Variants in RSRC1 observed in about 807,000 individuals in gnomAD.
The protein encoded by RSRC1 is serine/Arginine-related protein 53.
A neutral mutation model predicts 49.1 loss-of-function variants in RSRC1; 39 were observed. The ratio of observed to expected loss-of-function variants is 0.79; its 90% CI spans 0.61 to 1.04. The LOEUF is 1.04. Ranked by LOEUF, RSRC1 falls within the 50% of genes least tolerant of loss-of-function variation. RSRC1 has a pLI of 0.00. For missense variants in RSRC1, 388 were observed against 402.4 expected (o/e 0.96, Z 0.31); for synonymous variants, 143 against 130.8 (o/e 1.09, Z -0.63).
At chr3:158,416,038 T>C (rs1578447384) in intron 6 of RSRC1, among the ~76,000 whole-genome samples, 1 of 152,082 alleles carries the variant, frequency 6.6e-6, no homozygotes, top group South Asian at 2.1e-4. Flanking sequence ...GATCAGAGGG[T>C]ATAACACATA....
At chr3:158,273,919 T>C (rs16828850) in intron 4 of RSRC1, among the ~76,000 whole-genome samples, 11,672 of 152,140 alleles carry the variant, frequency 0.077, 543 homozygotes, top group South Asian at 0.13. Flanking sequence ...GCTAACTGTA[T>C]CTTTGTGAAA....
At chr3:158,401,259 C>T (rs1456669127) in intron 6 of RSRC1, among the ~76,000 whole-genome samples, 1 of 151,988 alleles carries the variant, frequency 6.6e-6, no homozygotes, top group African/African-American at 2.4e-5. Flanking sequence ...TCTGATGATT[C>T]TTTCTGTGGC....
chr3:158,541,204 C>T (rs1713013946), intron 8 of RSRC1, among the ~76,000 whole-genome samples: 1 of 152,118 alleles, frequency 6.6e-6, no homozygotes, highest in Admixed American at 6.6e-5. Flanking sequence ...ACCATTCTTC[C>T]TTTTCACCTG....
At chr3:158,533,865 T>G (rs1712560283) in intron 7 of RSRC1, among the ~76,000 whole-genome samples, 1 of 151,634 alleles carries the variant, frequency 6.6e-6, no homozygotes, top group Non-Finnish European at 1.5e-5. Context: ...AATAAAAAAT[T>G]TATCTACTTG....
chr3:158,111,586 T>C (rs1487536292), intron 1 of RSRC1, among the ~76,000 whole-genome samples: 1 of 152,224 alleles, frequency 6.6e-6, no homozygotes, highest in Non-Finnish European at 1.5e-5. Flanking sequence ...GAATTCTTTA[T>C]CTCTTTTGAG....
At chr3:158,283,600 T>G (rs1196444995) in intron 4 of RSRC1, among the ~76,000 whole-genome samples, 1 of 152,140 alleles carries the variant, frequency 6.6e-6, no homozygotes, top group African/African-American at 2.4e-5. Context: ...TGTTGTATGG[T>G]TATTATATTT....
intron 5 of RSRC1, among the ~76,000 whole-genome samples, chr3:158,302,283 C>T (rs1727597239): frequency 6.6e-6 from 1 of 151,988 alleles, no homozygotes; most frequent in African/African-American, 2.4e-5. Flanking sequence ...TCTCTTGACC[C>T]TCAGGTTCCA....
chr3:158,508,492 T>G (rs145542551), intron 7 of RSRC1, among the ~76,000 whole-genome samples: 10 of 151,992 alleles, frequency 6.6e-5, no homozygotes, highest in Admixed American at 2.0e-4. Context: ...AGTGTCACCT[T>G]GTTTTTCTCT....
chr3:158,263,538 A>T (rs1416508205), intron 4 of RSRC1, among the ~76,000 whole-genome samples: 1 of 152,192 alleles, frequency 6.6e-6, no homozygotes, highest in African/African-American at 2.4e-5. Flanking sequence ...GCTGGCCCAA[A>T]GAATGAGTTG....
chr3:158,544,171 T>C lies in RSRC1; in HGVS notation c.913-12T>C. The C allele has an allele frequency of 6.3e-7, 1 of 1,591,026 alleles. No individual in the cohort carries two copies. The highest frequency in any genetic ancestry group is 8.6e-7 in the Non-Finnish European group (1 of 1,163,020). On this transcript the variant is annotated splice_polypyrimidine_tract_variant and intron_variant, in intron 9 of 9. Transcript: ENST00000611884. ...GACAGTAACATTTTTTCTTTTTCTT[T>C]TCTTATTTCAGTTATTTATCGAGAA...
chr3:158,349,298 T>G (rs1730731587), intron 5 of RSRC1, among the ~76,000 whole-genome samples: 1 of 152,182 alleles, frequency 6.6e-6, no homozygotes, highest in Non-Finnish European at 1.5e-5. Context: ...CTCAGTGTAG[T>G]TTTAAATTTG....
At chr3:158,320,964 T>G (rs2108165832) in intron 5 of RSRC1, among the ~76,000 whole-genome samples, 1 of 152,320 alleles carries the variant, frequency 6.6e-6, no homozygotes. Flanking sequence ...ACACTGGTTC[T>G]TAATTTTTTT....
At chr3:158,534,218 A>C (rs1294751116) in intron 7 of RSRC1, among the ~76,000 whole-genome samples, 1 of 151,762 alleles carries the variant, frequency 6.6e-6, no homozygotes, top group Non-Finnish European at 1.5e-5. Flanking sequence ...GCACAAGACT[A>C]TAATCATTAT....
chr3:158,309,428 T>C (rs1236041080), intron 5 of RSRC1, among the ~76,000 whole-genome samples: 1 of 151,902 alleles, frequency 6.6e-6, no homozygotes. Flanking sequence ...ATTTTCTATT[T>C]TTTGAACTAT....
At chr3:158,445,717 C>T (rs1736673147) in intron 6 of RSRC1, among the ~76,000 whole-genome samples, 1 of 151,964 alleles carries the variant, frequency 6.6e-6, no homozygotes, top group African/African-American at 2.4e-5. Flanking sequence ...TAAACATTTC[C>T]AAAATGGACC....
chr3:158,410,729 AT>A (rs2108321149), intron 6 of RSRC1, among the ~76,000 whole-genome samples: 1 of 152,122 alleles, frequency 6.6e-6, no homozygotes, highest in South Asian at 2.1e-4. Context: ...TGCCCTTAGG[AT>A]TTTTTTCTGA....
chr3:158,209,518 G>A (rs926631729), intron 4 of RSRC1, among the ~76,000 whole-genome samples: 27 of 152,144 alleles, frequency 1.8e-4, no homozygotes, highest in African/African-American at 3.6e-4. Flanking sequence ...TGCTTTCTTC[G>A]TAATTTGAAT....
chr3:158,142,423 C>T (rs1471769607), intron 3 of RSRC1, among the ~76,000 whole-genome samples: 3 of 151,886 alleles, frequency 2.0e-5, no homozygotes, highest in Non-Finnish European at 4.4e-5. Context: ...GTTTATTTTT[C>T]GTACCAACGG....
At chr3:158,484,450 G>A (rs556576927) in intron 7 of RSRC1, among the ~76,000 whole-genome samples, 2 of 152,168 alleles carry the variant, frequency 1.3e-5, no homozygotes, top group African/African-American at 4.8e-5. Flanking sequence ...TAAACCGTTG[G>A]CATATAGGAT....
Sources: gnomAD v4.1 joint callset for allele counts (sites outside exome capture counted in the v4.1 genomes callset) on GRCh38, gnomAD v4.1.1 for gene constraint, MANE v1.5 for transcripts, NCBI Gene and HGNC (gene_info 2026-07-23, HGNC 2026-07-21) for gene names.